The following VPS13B variants were observed in gnomAD, a reference collection of about 807,000 sequenced individuals.
VPS13B encodes the protein vacuolar protein sorting 13 homolog B, also known as intermembrane lipid transfer protein VPS13B.
In VPS13B, 285 loss-of-function variants were observed where a neutral mutation model predicts 426.4. The ratio of observed to expected loss-of-function variants is 0.67; its 90% CI spans 0.61 to 0.74. VPS13B has a LOEUF of 0.74. Ranked by LOEUF, VPS13B falls within the 30% of genes least tolerant of loss-of-function variation. VPS13B has a pLI of 0.00. For synonymous variants in VPS13B, 1,676 were observed against 1,676.4 expected (o/e 1.00, Z 0.01); for missense variants, 4,537 against 4,782.6 (o/e 0.95, Z 1.51).
intron 24 of VPS13B, among the ~76,000 whole-genome samples, chr8:99,478,450 T>G (rs1819836551): frequency 3.3e-5 from 4 of 121,596 alleles, no homozygotes; most frequent in African/African-American, 1.3e-4. Context: ...TTGTTTTGTT[T>G]TTTTTTTTTT....
chr8:99,664,652 CT>C (rs1830394840), intron 35 of VPS13B, among the ~76,000 whole-genome samples: 1 of 152,036 alleles, frequency 6.6e-6, no homozygotes, highest in African/African-American at 2.4e-5. Flanking sequence ...TGAACTCATC[CT>C]TTTTTATGGC....
At chr8:99,115,945 T>A in intron 7 of VPS13B, 71 bp downstream of exon 7, 1 of 1,487,054 alleles carries the variant, frequency 6.7e-7, no homozygotes, top group Non-Finnish European at 9.3e-7. Context: ...TGGGAAACTT[T>A]AAAAAATGTA....
chr8:99,065,941 C>A (rs902088370), intron 3 of VPS13B, among the ~76,000 whole-genome samples: 2 of 152,126 alleles, frequency 1.3e-5, no homozygotes, highest in African/African-American at 4.8e-5. Context: ...ATCCAACTTA[C>A]AAGGGATGTG....
intron 17 of VPS13B, among the ~76,000 whole-genome samples, chr8:99,222,642 A>G (rs1387270467): frequency 6.6e-6 from 1 of 152,192 alleles, no homozygotes. Context: ...CAGGATGACA[A>G]TTATTCATCG....
At chr8:99,183,047 C>G (rs1005474303) in intron 16 of VPS13B, among the ~76,000 whole-genome samples, 1 of 151,940 alleles carries the variant, frequency 6.6e-6, no homozygotes, top group Non-Finnish European at 1.5e-5. Flanking sequence ...CTGTGGAAGA[C>G]TATATTTAAT....
At chr8:99,828,394 G>GTTTCTTTTTT (rs1814831585) in intron 51 of VPS13B, among the ~76,000 whole-genome samples, 1 of 17,424 alleles carries the variant, frequency 5.7e-5, no homozygotes, top group African/African-American at 2.4e-4. Context: ...TACAACCACC[G>GTTTCTTTTTT]TTTTTTTTTT....
chr8:99,685,820 A>G (rs1337035601), intron 35 of VPS13B, among the ~76,000 whole-genome samples: 1 of 152,192 alleles, frequency 6.6e-6, no homozygotes, highest in Admixed American at 6.5e-5. Flanking sequence ...AAGAAAGGTC[A>G]CATATCTCTA....
chr8:99,391,768 T>C, intron 21 of VPS13B, 64 bp downstream of exon 21: 1 of 1,579,468 alleles, frequency 6.3e-7, no homozygotes, highest in Middle Eastern at 1.7e-4. Flanking sequence ...CAAGTTAGCA[T>C]CCACAATTTC....
chr8:99,166,110 G>A (rs148272494), intron 15 of VPS13B, among the ~76,000 whole-genome samples: 4,778 of 152,242 alleles, frequency 0.031, 112 homozygotes, highest in South Asian at 0.075. Flanking sequence ...CTCCTGAGTA[G>A]CTGGGATTAC....
rs888767125 is a variant in VPS13B at position 99,259,569 on chromosome 8, C to G, written c.2516-14629C>G. On this transcript the variant is annotated intron_variant, in intron 17 of 61. Coordinates refer to ENST00000357162, the MANE Select transcript of VPS13B (RefSeq NM_152564.5). Reference sequence around the variant, plus strand: ...TAGACCATTTCAAAAATCTGTTTCACTCCAGATTTAACAAAGAAGGTTTTT... The same window carrying G: ...TAGACCATTTCAAAAATCTGTTTCAGTCCAGATTTAACAAAGAAGGTTTTT... 3.3e-5 allele frequency among the ~76,000 whole-genome samples: 5 copies of G among 152,204 alleles called. No homozygotes were observed. The South Asian group carries it at 1.0e-3, about 31-fold the overall frequency.
chr8:99,066,895 CTCA>C (rs1332011945), intron 3 of VPS13B, among the ~76,000 whole-genome samples: 2 of 152,226 alleles, frequency 1.3e-5, no homozygotes, highest in African/African-American at 4.8e-5. Flanking sequence ...TGACAAAATG[CTCA>C]TCATTACTGG....
intron 35 of VPS13B, among the ~76,000 whole-genome samples, chr8:99,664,540 T>C (rs531191289): frequency 2.6e-5 from 4 of 152,238 alleles, no homozygotes. Context: ...ACTGTTCAAT[T>C]CCCACCTGTG....
chr8:99,158,011 G>C (rs889524786), intron 15 of VPS13B, among the ~76,000 whole-genome samples: 2 of 152,178 alleles, frequency 1.3e-5, no homozygotes, highest in African/African-American at 2.4e-5. Flanking sequence ...GCTGGCAGAG[G>C]TTGGTTCATG....
chr8:99,279,538 G>A (rs1269010609), intron 19 of VPS13B, among the ~76,000 whole-genome samples: 2 of 152,140 alleles, frequency 1.3e-5, no homozygotes, highest in Non-Finnish European at 2.9e-5. Context: ...TGAGATTACA[G>A]GCATGAGCCA....
At chr8:99,199,793 T>G (rs1442704667) in intron 17 of VPS13B, among the ~76,000 whole-genome samples, 1 of 152,210 alleles carries the variant, frequency 6.6e-6, no homozygotes, top group Non-Finnish European at 1.5e-5. Context: ...TTCCTACCTT[T>G]TTTTCAGGTA....
chr8:99,514,013 G>A (rs1365980823), intron 29 of VPS13B, among the ~76,000 whole-genome samples: 1 of 152,154 alleles, frequency 6.6e-6, no homozygotes, highest in Non-Finnish European at 1.5e-5. Flanking sequence ...ATTTGTTAGT[G>A]AGGAATATTT....
At position 99,685,906 on chromosome 8, in the gene VPS13B, G is replaced by A. The variant is rs147264838; in HGVS notation, c.6047-13619G>A. 1.8e-4 allele frequency among the ~76,000 whole-genome samples: 28 copies of A among 152,244 alleles called. 1 individual carries two copies. In the East Asian group the frequency reaches 3.9e-3, roughly 21 times the overall value. On this transcript the variant is annotated intron_variant, in intron 35 of 61. Coordinates refer to ENST00000357162, the MANE Select transcript of VPS13B (RefSeq NM_152564.5). ...TTGCCTGGATGGTTTTCATGCTTGT[G>A]GATGTTCATCAGTGTCTGGGCATTG...
intron 17 of VPS13B, among the ~76,000 whole-genome samples, chr8:99,235,970 G>A (rs1816621737): frequency 6.6e-6 from 1 of 152,158 alleles, no homozygotes; most frequent in Admixed American, 6.5e-5. Context: ...AGATCTTAAA[G>A]TTTAAAAACA....
At chr8:99,456,321 A>G (rs1469997753) in intron 23 of VPS13B, among the ~76,000 whole-genome samples, 6 of 152,036 alleles carry the variant, frequency 3.9e-5, no homozygotes, top group Admixed American at 3.9e-4. Flanking sequence ...GGCGTGCACC[A>G]CTATGCCCAG....
Sources: allele counts gnomAD v4.1 joint callset (sites outside exome capture counted in the v4.1 genomes callset), GRCh38; gene constraint gnomAD v4.1.1; transcripts MANE v1.5; gene names NCBI Gene and HGNC (gene_info 2026-07-23, HGNC 2026-07-21).